Variants in CA5A observed in about 807,000 individuals in gnomAD.
The protein encoded by CA5A is carbonic anhydrase 5A, mitochondrial.
A neutral mutation model predicts 37.1 loss-of-function variants in CA5A; 28 were observed. The observed-to-expected ratio is 0.75, with a 90% CI of 0.56 to 1.03. The LOEUF (loss-of-function observed/expected upper bound fraction) is 1.03. CA5A is among the 50% of genes least tolerant of loss of function. The pLI is 0.00. For synonymous variants in CA5A, 171 were observed against 158.4 expected (o/e 1.08, Z -0.60); for missense variants, 444 against 399.9 (o/e 1.11, Z -0.94).
At chr16:87,914,832 G>T (rs1460909136) in intron 2 of CA5A, among the ~76,000 whole-genome samples, 1 of 152,212 alleles carries the variant, frequency 6.6e-6, no homozygotes, top group Admixed American at 6.5e-5. Flanking sequence ...CCTAGGCAAG[G>T]TTCTCATTCC....
rs60201296 is a variant in CA5A at position 87,908,989 on chromosome 16, A to ATTTTTT, written c.341-4091_341-4086dup. On this transcript the variant is annotated intron_variant, in intron 2 of 6. Transcript: ENST00000649794. ...CAGGTGCGCACCACCACACCCGGCT[A>ATTTTTT]TTTTTTTTTTTTTTTGTATTTTTAG... 1.2e-3 allele frequency among the ~76,000 whole-genome samples: 162 copies of ATTTTTT among 139,348 alleles called. 1 individual carries two copies. Among genetic ancestry groups the ATTTTTT allele is most frequent in the African/African-American group, 4.2e-3 (156 of 37,072 alleles). The allele number at this position is 139,348 out of a possible 152,430, so 91.4% of individuals were successfully genotyped here.
downstream of CA5A, chr16:87,886,793 A>G (rs573157049): frequency 6.6e-6 from 1 of 152,386 alleles, no homozygotes; most frequent in East Asian, 1.9e-4. Flanking sequence ...AGCATGAGTC[A>G]GGGATCACAA....
chr16:87,905,603 C>A (rs1166532785), intron 2 of CA5A, among the ~76,000 whole-genome samples: 1 of 152,216 alleles, frequency 6.6e-6, no homozygotes, highest in Non-Finnish European at 1.5e-5. Context: ...AGGTGATCCA[C>A]CCGCCTCTGC....
downstream of CA5A, chr16:87,885,712 G>C (rs549164652): frequency 2.0e-5 from 3 of 152,770 alleles, no homozygotes; most frequent in East Asian, 1.9e-4. Flanking sequence ...AACACCAGAA[G>C]GGCGCTCCTG....
rs370255794 is a variant in CA5A, at chr16:87,926,948, G to T, written c.143-3C>A. On this transcript the variant is annotated splice_region_variant and splice_polypyrimidine_tract_variant and intron_variant, in intron 1 of 6. Transcript: ENST00000649794. ...CGGGACCGTCCAGAGTGGGTGCACT[G>T]CAGGGAGAGAGACGGAGACCCTGAG... The T allele has an allele frequency of 7.7e-6, 12 of 1,563,524 alleles. No homozygotes were observed. The African/African-American group carries it at 1.6e-4, about 21-fold the overall frequency.
rs113465011 is a variant in CA5A at position 87,928,604 on chromosome 16, G to C, written c.143-1659C>G. ...TATATATATACAATTCTTTTTAATG[G>C]TGGCACGTTTCCATTGTACAGTTAC... is the stretch of plus-strand genomic sequence containing the variant. On this transcript the variant is annotated intron_variant, in intron 1 of 6. Coordinates refer to ENST00000649794, the MANE Select transcript of CA5A (RefSeq NM_001739.2). Among the ~76,000 whole-genome samples, 584 of 151,922 alleles carry C rather than the reference G, an allele frequency of 3.8e-3. 6 individuals carry two copies. The highest frequency in any genetic ancestry group is 0.013 in the African/African-American group (550 of 41,416).
chr16:87,908,146 C>T (rs1241630572), intron 2 of CA5A, among the ~76,000 whole-genome samples: 1 of 152,184 alleles, frequency 6.6e-6, no homozygotes, highest in African/African-American at 2.4e-5. Flanking sequence ...GAGCCTTTCC[C>T]ACGGCAGTTG....
chr16:87,891,973 C>G lies in CA5A; in HGVS notation c.619-19G>C. On this transcript the variant is annotated intron_variant, in intron 5 of 6. Transcript: ENST00000649794. Reference sequence around the variant, plus strand: ...GCGCGTCCTGAGAGACCGAGAAGCACAGGACGTGTCAGTCCTCAGGGGAGA... The same window carrying G: ...GCGCGTCCTGAGAGACCGAGAAGCAGAGGACGTGTCAGTCCTCAGGGGAGA... 1 of 1,516,236 alleles carries G rather than the reference C, an allele frequency of 6.6e-7. No homozygotes were observed. Among genetic ancestry groups the G allele is most frequent in the East Asian group, 2.7e-5 (1 of 37,664 alleles). 93.9% of individuals were successfully genotyped at this position (1,516,236 alleles called of 1,614,324 possible).
At chr16:87,933,098 G>T (rs190605814) in intron 1 of CA5A, among the ~76,000 whole-genome samples, 9 of 152,178 alleles carry the variant, frequency 5.9e-5, no homozygotes, top group African/African-American at 1.9e-4. Context: ...CGGTCAGCCC[G>T]GGGGGAGCCA....
intron 2 of CA5A, among the ~76,000 whole-genome samples, chr16:87,912,796 TGGC>T (rs1252660461): frequency 6.6e-6 from 1 of 152,132 alleles, no homozygotes; most frequent in Non-Finnish European, 1.5e-5. Flanking sequence ...GTGAAGATAA[TGGC>T]GGCTCCAGGC....
In CA5A at chr16:87,936,305, T is replaced by C. The variant is rs1386258633; in HGVS notation, c.142+4A>G. 2 of 1,609,732 alleles carry C rather than the reference T, an allele frequency of 1.2e-6. No individual in the cohort carries two copies. Among genetic ancestry groups the C allele is most frequent in the Middle Eastern group, 1.7e-4 (1 of 6,052 alleles). On this transcript the variant is annotated splice_donor_region_variant and intron_variant, in intron 1 of 6. Transcript: ENST00000649794. ...CATCTTAGGAAATTTGAGGCTCTAC[T>C]TACAAGTGTTATTGCTGGTTTGCCA...
At chr16:87,898,943 C>T (rs1029925110) in intron 5 of CA5A, among the ~76,000 whole-genome samples, 5 of 152,032 alleles carry the variant, frequency 3.3e-5, no homozygotes, top group South Asian at 2.1e-4. Flanking sequence ...CCATGTTGGC[C>T]AGGCTGGTCT....
chr16:87,892,510 AAATAATAAT>A (rs371000298), intron 5 of CA5A, among the ~76,000 whole-genome samples: 3,582 of 135,256 alleles, frequency 0.026, 63 homozygotes, highest in African/African-American at 0.042. Flanking sequence ...ACTCTGTCTC[AAATAATAAT>A]AATAATAATA....
intron 5 of CA5A, among the ~76,000 whole-genome samples, chr16:87,896,834 T>A (rs2055809302): frequency 1.3e-5 from 2 of 152,178 alleles, no homozygotes; most frequent in African/African-American, 4.8e-5. Flanking sequence ...GAGATGGGGT[T>A]TCTCTATGTT....
At chr16:87,899,441 T>A (rs1277902333) in intron 5 of CA5A, among the ~76,000 whole-genome samples, 1 of 150,800 alleles carries the variant, frequency 6.6e-6, no homozygotes, top group Non-Finnish European at 1.5e-5. Context: ...TAGCTGGGAT[T>A]ACAGGCACCC....
chr16:87,918,934 G>A (rs184460081), intron 2 of CA5A, among the ~76,000 whole-genome samples: 15 of 152,032 alleles, frequency 9.9e-5, no homozygotes, highest in Admixed American at 9.8e-4. Flanking sequence ...GAAGCTGAGT[G>A]GGAGAGAAAT....
intron 5 of CA5A, among the ~76,000 whole-genome samples, chr16:87,900,139 C>T (rs2055858024): frequency 6.6e-6 from 1 of 152,052 alleles, no homozygotes; most frequent in South Asian, 2.1e-4. Flanking sequence ...AGGAAAACAG[C>T]CCTTGGGTAA....
In CA5A at chr16:87,929,809, T is replaced by C. The variant is rs144791141; in HGVS notation, c.143-2864A>G. On this transcript the variant is annotated intron_variant, in intron 1 of 6. Coordinates refer to ENST00000649794, the MANE Select transcript of CA5A (RefSeq NM_001739.2). ...ATGGCGTGAGCCCGGGAGGCGGAGC[T>C]TGCAGTGAGCCGAGATCGCGCCACC... 3.7e-3 allele frequency among the ~76,000 whole-genome samples: 489 copies of C among 132,224 alleles called. 3 individuals carry two copies. The highest frequency in any genetic ancestry group is 0.013 in the African/African-American group (456 of 34,074). 86.7% of individuals were successfully genotyped at this position (132,224 alleles called of 152,430 possible). A position where few individuals can be genotyped will look rare whatever the true frequency, so the allele number is the denominator to read the frequency against.
intron 2 of CA5A, among the ~76,000 whole-genome samples, chr16:87,907,039 A>G (rs2143973774): frequency 6.6e-6 from 1 of 152,150 alleles, no homozygotes; most frequent in East Asian, 1.9e-4. Context: ...CAACATGATA[A>G]AACCTCATCT....
Sources: allele counts gnomAD v4.1 joint callset (sites outside exome capture counted in the v4.1 genomes callset), GRCh38; gene constraint gnomAD v4.1.1; transcripts MANE v1.5; gene names NCBI Gene and HGNC (gene_info 2026-07-23, HGNC 2026-07-21).